AUTS2: variants seen among roughly 807,000 people sequenced by gnomAD.
The protein encoded by AUTS2 is autism susceptibility gene 2 protein.
In AUTS2, 17 loss-of-function variants were observed where a neutral mutation model predicts 112.4. That is an observed-to-expected ratio of 0.15 (90% CI 0.10 to 0.23). The LOEUF (loss-of-function observed/expected upper bound fraction) is 0.23. Among genes scored for constraint, AUTS2 ranks in the 10% least tolerant of loss-of-function variants. The probability of loss-of-function intolerance (pLI) is 1.00; values close to 1 mark genes in which losing one functional copy is unlikely to be tolerated. For synonymous variants in AUTS2, 751 were observed against 702.7 expected, an observed-to-expected ratio of 1.07 and a Z score of -1.09; for missense variants, 1,510 against 1,701.6, an observed-to-expected ratio of 0.89 and a Z score of 1.98.
intron 1 of AUTS2, among the ~76,000 whole-genome samples, chr7:69,690,303 A>T (rs542004112): frequency 6.6e-6 from 1 of 152,210 alleles, no homozygotes; most frequent in Admixed American, 6.5e-5. Context: ...TTCTCTATGT[A>T]TGAATTGCTC....
chr7:70,098,945 G>A (rs779445008), intron 2 of AUTS2, among the ~76,000 whole-genome samples: 30 of 151,718 alleles, frequency 2.0e-4, no homozygotes, highest in Non-Finnish European at 8.8e-5. Context: ...CAGGTGATCC[G>A]CCCACCTCGA....
intron 4 of AUTS2, among the ~76,000 whole-genome samples, chr7:70,156,923 A>G (rs2129576892): frequency 7.5e-6 from 1 of 133,390 alleles, no homozygotes; most frequent in Non-Finnish European, 1.6e-5. Flanking sequence ...AAAAAAAAAA[A>G]AAAATTAGCT....
intron 2 of AUTS2, among the ~76,000 whole-genome samples, chr7:69,914,475 C>T (rs541649386): frequency 2.0e-5 from 3 of 151,540 alleles, no homozygotes; most frequent in South Asian, 2.1e-4. Context: ...TACTGATGAG[C>T]GCATGCTGCA....
chr7:69,996,964 A>AAAAAAAAAAT (rs61186847), intron 2 of AUTS2, among the ~76,000 whole-genome samples: 1 of 147,884 alleles, frequency 6.8e-6, no homozygotes. Context: ...AAAAAAAAAA[A>AAAAAAAAAAT]GCAAACTCCA....
chr7:70,406,283 G>A lies in AUTS2; in HGVS notation c.661-29469G>A, dbSNP rs142989080. Among the ~76,000 whole-genome samples the A allele has an allele frequency of 6.6e-4, 101 of 152,198 alleles. 1 individual carries two copies. The East Asian group carries it at 0.018, about 27-fold the overall frequency. On this transcript the variant is annotated intron_variant, in intron 4 of 18. Transcript: ENST00000342771. ...GGCTTCCCCCTGTTTCCCTGCAATG[G>A]TGGGACAGAATGCCTCATTGGTTTC...
In AUTS2 at chr7:70,768,061, G is replaced by A. The variant is rs773674679; in HGVS notation, c.1727G>A (p.Arg576Gln). Residue 576 changes from arginine to glutamine, a missense_variant, in exon 10 of 19, where the codon CGG becomes CAG. Transcript: ENST00000342771. ...CCTACAAAAGTTGACCCATTCTACC[G>A]GCACAGTGTGAGTTTCATTACCATG... The part of the protein sequence containing the change: ...KYPTKVDPFY[R>Q]HSLFHSYPPA... The A allele has an allele frequency of 1.6e-5, 26 of 1,602,962 alleles. No homozygotes were observed. The highest frequency in any genetic ancestry group is 1.6e-4 in the South Asian group (14 of 88,858).
At chr7:70,125,761 C>G (rs1805939108) in intron 3 of AUTS2, among the ~76,000 whole-genome samples, 1 of 152,164 alleles carries the variant, frequency 6.6e-6, no homozygotes, top group Non-Finnish European at 1.5e-5. Flanking sequence ...AAGGGTCACC[C>G]TACTTTTTTC....
chr7:69,683,768 T>G (rs1305474227), intron 1 of AUTS2, among the ~76,000 whole-genome samples: 1 of 151,704 alleles, frequency 6.6e-6, no homozygotes, highest in Non-Finnish European at 1.5e-5. Flanking sequence ...AAAATTGGTC[T>G]GGCATGGTAG....
intron 5 of AUTS2, among the ~76,000 whole-genome samples, chr7:70,494,085 G>A (rs2116468324): frequency 6.6e-6 from 1 of 152,292 alleles, no homozygotes; most frequent in East Asian, 1.9e-4. Context: ...CGTCCTCTTT[G>A]AACTAGGAAT....
At chr7:70,494,555 T>G (rs1400635547) in intron 5 of AUTS2, among the ~76,000 whole-genome samples, 1 of 151,844 alleles carries the variant, frequency 6.6e-6, no homozygotes, top group Non-Finnish European at 1.5e-5. Flanking sequence ...TTAACGAGTG[T>G]CCCCACGTCC....
chr7:70,380,400 T>C (rs1793313714), intron 4 of AUTS2, among the ~76,000 whole-genome samples: 1 of 152,176 alleles, frequency 6.6e-6, no homozygotes, highest in East Asian at 1.9e-4. Flanking sequence ...TTGGTAGAAA[T>C]TGAGTACTGG....
intron 2 of AUTS2, among the ~76,000 whole-genome samples, chr7:69,914,394 C>CAA (rs1491500923): frequency 1.3e-5 from 2 of 148,312 alleles, no homozygotes; most frequent in Non-Finnish European, 3.0e-5. Flanking sequence ...CACACACACA[C>CAA]AAACAATCCA....
At chr7:70,625,993 A>G (rs1017552631) in intron 5 of AUTS2, among the ~76,000 whole-genome samples, 1 of 151,934 alleles carries the variant, frequency 6.6e-6, no homozygotes, top group African/African-American at 2.4e-5. Flanking sequence ...GCTCACTGCA[A>G]CCTTCACCTC....
At chr7:69,849,964 T>C (rs934121981) in intron 1 of AUTS2, among the ~76,000 whole-genome samples, 12 of 152,080 alleles carry the variant, frequency 7.9e-5, no homozygotes, top group African/African-American at 2.9e-4. Context: ...CACTCAGGAT[T>C]GTAATTGCTG....
At chr7:70,478,570 C>G (rs1254582520) in intron 5 of AUTS2, among the ~76,000 whole-genome samples, 1 of 152,160 alleles carries the variant, frequency 6.6e-6, no homozygotes, top group African/African-American at 2.4e-5. Flanking sequence ...CCACTCAACC[C>G]TATTTATCCT....
intron 4 of AUTS2, among the ~76,000 whole-genome samples, chr7:70,421,277 C>G (rs1795209704): frequency 1.4e-5 from 2 of 137,980 alleles, no homozygotes; most frequent in Admixed American, 1.5e-4. Context: ...TTCTCTCATC[C>G]CCCCCAACCC....
intron 2 of AUTS2, among the ~76,000 whole-genome samples, chr7:70,007,226 G>A (rs1291490700): frequency 6.6e-6 from 1 of 152,116 alleles, no homozygotes; most frequent in African/African-American, 2.4e-5. Flanking sequence ...AACTAAAAAT[G>A]ATAACCTCAA....
chr7:70,779,073 T>A (rs1790891728), intron 14 of AUTS2, among the ~76,000 whole-genome samples: 1 of 152,234 alleles, frequency 6.6e-6, no homozygotes, highest in Non-Finnish European at 1.5e-5. Flanking sequence ...TTTTGCTTCA[T>A]GGCCCTAAGT....
chr7:69,738,937 T>C (rs1159674856), intron 1 of AUTS2, among the ~76,000 whole-genome samples: 1 of 152,138 alleles, frequency 6.6e-6, no homozygotes, highest in Non-Finnish European at 1.5e-5. Flanking sequence ...TAATCAGATA[T>C]CCTGCAGTTA....
Sources: allele counts gnomAD v4.1 joint callset (sites outside exome capture counted in the v4.1 genomes callset), GRCh38; gene constraint gnomAD v4.1.1; transcripts MANE v1.5; gene names NCBI Gene and HGNC (gene_info 2026-07-23, HGNC 2026-07-21).